CADPS2: variants seen among roughly 807,000 people sequenced by gnomAD.
CADPS2 encodes the protein calcium-dependent secretion activator 2.
In CADPS2, 93 loss-of-function variants were observed where a neutral mutation model predicts 172.5. The observed-to-expected ratio is 0.54, with a 90% CI of 0.46 to 0.64. The LOEUF is 0.64. Among genes scored for constraint, CADPS2 ranks in the 30% least tolerant of loss-of-function variants. The pLI is 0.00. For synonymous variants in CADPS2, 546 were observed against 555.2 expected (o/e 0.98, Z 0.23); for missense variants, 1,420 against 1,565.9 (o/e 0.91, Z 1.57).
chr7:122,721,365 C>T (rs567964033), intron 2 of CADPS2, among the ~76,000 whole-genome samples: 80 of 152,078 alleles, frequency 5.3e-4, no homozygotes, highest in Non-Finnish European at 9.9e-4. Flanking sequence ...ATATCCCCAC[C>T]GATCCCACAG....
chr7:122,770,413 C>T (rs186396506), intron 1 of CADPS2, among the ~76,000 whole-genome samples: 198 of 152,122 alleles, frequency 1.3e-3, no homozygotes, highest in Admixed American at 4.1e-3. Flanking sequence ...TTAAAGAATA[C>T]AGTGAGAAGG....
chr7:122,490,325 G>A (rs2058173660), intron 10 of CADPS2, 44 bp from the exon 11 acceptor site: 1 of 1,573,592 alleles, frequency 6.4e-7, no homozygotes, highest in Non-Finnish European at 8.7e-7. Flanking sequence ...TTATAGGATT[G>A]GCAGATTTTC....
intron 2 of CADPS2, among the ~76,000 whole-genome samples, chr7:122,724,463 A>C (rs927313692): frequency 6.6e-6 from 1 of 152,092 alleles, no homozygotes; most frequent in African/African-American, 2.4e-5. Context: ...ATATAAATTA[A>C]GTGCTGAATT....
intron 1 of CADPS2, among the ~76,000 whole-genome samples, chr7:122,880,068 C>T (rs118095105): frequency 0.025 from 3,746 of 152,168 alleles, 80 homozygotes; most frequent in Non-Finnish European, 0.034. Flanking sequence ...AAAACCTGTA[C>T]GCATTACTAC....
intron 6 of CADPS2, among the ~76,000 whole-genome samples, chr7:122,602,868 G>A (rs970777633): frequency 4.6e-5 from 7 of 152,102 alleles, no homozygotes; most frequent in Admixed American, 2.0e-4. Context: ...CGTGTCAGTT[G>A]CAGAGGAAGA....
rs200386702 is a variant in CADPS2, at chr7:122,615,171, A to G, written c.1223+10T>C. On this transcript the variant is annotated intron_variant, in intron 6 of 29. Transcript: ENST00000449022. ...CAACAACAATAATACACTTTTTTCA[A>G]CTGGCTTACTGTGGCCTTGAGGCTT... The G allele has an allele frequency of 1.7e-4, 249 of 1,468,976 alleles. 3 individuals are homozygous for G. Among genetic ancestry groups the G allele is most frequent in the African/African-American group, 1.6e-3 (116 of 70,726 alleles). 91.0% of individuals were successfully genotyped at this position (1,468,976 alleles called of 1,614,324 possible). A position where few individuals can be genotyped will look rare whatever the true frequency, so the allele number is the denominator to read the frequency against.
intron 1 of CADPS2, among the ~76,000 whole-genome samples, chr7:122,882,930 G>A (rs1303376722): frequency 6.6e-6 from 1 of 152,104 alleles, no homozygotes; most frequent in East Asian, 1.9e-4. Flanking sequence ...TTTAGGAGGT[G>A]TAGCACCTGG....
In CADPS2 at chr7:122,478,902, G is replaced by T. The variant is rs1212456346; in HGVS notation, c.1861+1950C>A. ...CACGTGTGCATGTGTCTTTATAGCA[G>T]CATGTGCACATGTACCCTAGAACTT... On this transcript the variant is annotated intron_variant, in intron 12 of 29. Coordinates refer to ENST00000449022, the MANE Select transcript of CADPS2 (RefSeq NM_017954.11). Among the ~76,000 whole-genome samples, 3 of 152,074 alleles carry T rather than the reference G, an allele frequency of 2.0e-5. No homozygotes were observed. The East Asian group carries it at 5.8e-4, about 29-fold the overall frequency.
intron 1 of CADPS2, among the ~76,000 whole-genome samples, chr7:122,745,811 A>G (rs1270884240): frequency 6.6e-6 from 1 of 152,096 alleles, no homozygotes; most frequent in African/African-American, 2.4e-5. Context: ...TTATCATGCA[A>G]TAATAAAAAT....
intron 1 of CADPS2, among the ~76,000 whole-genome samples, chr7:122,802,314 A>G (rs952954680): frequency 5.9e-5 from 9 of 152,190 alleles, no homozygotes; most frequent in Admixed American, 5.9e-4. Flanking sequence ...ACCTACGATT[A>G]TTCCCTTCTT....
chr7:122,416,197 T>C (rs1563282450), intron 17 of CADPS2, 33 bp from the exon 18 acceptor site: 2 of 1,342,208 alleles, frequency 1.5e-6, no homozygotes, highest in Non-Finnish European at 2.0e-6. Flanking sequence ...CATGTTACCT[T>C]GAAAATAAAA....
intron 27 of CADPS2, among the ~76,000 whole-genome samples, chr7:122,351,431 C>A (rs1245254252): frequency 7.9e-6 from 1 of 126,270 alleles, no homozygotes; most frequent in Non-Finnish European, 1.7e-5. Context: ...AAGAATGAAG[C>A]AGCCAGTTAA....
chr7:122,364,739 A>G (rs1040525280), intron 25 of CADPS2, among the ~76,000 whole-genome samples: 5 of 151,650 alleles, frequency 3.3e-5, no homozygotes, highest in Admixed American at 3.3e-4. Flanking sequence ...AAAAAAAAAA[A>G]GAGCCCAATA....
At chr7:122,495,915 A>C (rs774268482) in intron 9 of CADPS2, among the ~76,000 whole-genome samples, 15 of 152,182 alleles carry the variant, frequency 9.9e-5, no homozygotes, top group Admixed American at 1.3e-4. Flanking sequence ...GACTAAGAAT[A>C]TTCTCTTCTG....
chr7:122,808,100 T>A (rs1364320941), intron 1 of CADPS2, among the ~76,000 whole-genome samples: 2 of 152,114 alleles, frequency 1.3e-5, no homozygotes, highest in Non-Finnish European at 2.9e-5. Flanking sequence ...CTGAATAAAT[T>A]TATGGAAAGC....
At chr7:122,752,184 G>T (rs2092980279) in intron 1 of CADPS2, among the ~76,000 whole-genome samples, 1 of 152,022 alleles carries the variant, frequency 6.6e-6, no homozygotes, top group South Asian at 2.1e-4. Context: ...TTTTCATACT[G>T]CAACACATTA....
intron 6 of CADPS2, among the ~76,000 whole-genome samples, chr7:122,595,729 G>A (rs1414859107): frequency 2.4e-4 from 37 of 151,952 alleles, no homozygotes; most frequent in Non-Finnish European, 2.9e-5. Flanking sequence ...TTCTTTAGTT[G>A]AAATAAAGAG....
At chr7:122,473,539 GA>G (rs1477029648) in intron 13 of CADPS2, among the ~76,000 whole-genome samples, 1 of 152,124 alleles carries the variant, frequency 6.6e-6, no homozygotes, top group African/African-American at 2.4e-5. Flanking sequence ...TTCAATATTT[GA>G]AACAGTTCTG....
intron 20 of CADPS2, among the ~76,000 whole-genome samples, chr7:122,396,629 T>A (rs1399134995): frequency 1.3e-5 from 2 of 152,208 alleles, no homozygotes; most frequent in African/African-American, 2.4e-5. Context: ...TTTCCTGTGA[T>A]ACAGTCATAA....
Sources: allele counts gnomAD v4.1 joint callset (sites outside exome capture counted in the v4.1 genomes callset), GRCh38; gene constraint gnomAD v4.1.1; transcripts MANE v1.5; gene names NCBI Gene and HGNC (gene_info 2026-07-23, HGNC 2026-07-21).